The following ZNF169 variants were observed in gnomAD, a reference collection of about 807,000 sequenced individuals.
ZNF169 encodes zinc finger protein 169.
A neutral mutation model predicts 12.0 loss-of-function variants in ZNF169; 11 were observed. The observed-to-expected ratio is 0.92, with a 90% CI of 0.58 to 1.52. The LOEUF is 1.52. Ranked by LOEUF, ZNF169 falls within the 40% of genes most tolerant of loss-of-function variation. The probability of loss-of-function intolerance (pLI) is 0.00; values close to 1 mark genes in which losing one functional copy is unlikely to be tolerated. For synonymous variants in ZNF169, 302 were observed against 286.5 expected (o/e 1.05, Z -0.55); for missense variants, 722 against 744.0 (o/e 0.97, Z 0.34).
In ZNF169 at chr9:94,301,535, G is replaced by A; in HGVS notation, c.*165G>A. On this transcript the variant is annotated 3_prime_UTR_variant, in exon 5 of 5. Coordinates refer to ENST00000395395, the MANE Select transcript of ZNF169 (RefSeq NM_194320.4). ...TCACAATTTGTCTTGGCTTGCTAGGGGTTCCATAACAAAGTACCCCAGGCT... is the reference window on the plus strand; with the variant it reads ...TCACAATTTGTCTTGGCTTGCTAGGAGTTCCATAACAAAGTACCCCAGGCT... The A allele has an allele frequency of 1.5e-6, 2 of 1,322,490 alleles. No homozygotes were observed. The highest frequency in any genetic ancestry group is 2.0e-6 in the Non-Finnish European group (2 of 1,002,996). The allele number at this position is 1,322,490 out of a possible 1,614,324, so 81.9% of individuals were successfully genotyped here.
At chr9:94,273,575 C>CTTTTTTTTTTTTTTTTTTTTTTTTTTT in intron 1 of ZNF169, among the ~76,000 whole-genome samples, 1 of 109,964 alleles carries the variant, frequency 9.1e-6, no homozygotes. Flanking sequence ...AACTTTCTTT[C>CTTTTTTTTTTTTTTTTTTTTTTTTTTT]TTTCTTTTTT....
chr9:94,293,011 G>A lies in ZNF169; in HGVS notation c.198G>A (p.Leu66=). ...AFSKPKLIEQ[L]EQGDEPWREE... ...CCAAACCAAAACTCATCGAACAGCT[G>A]GAGCAAGGCGACGAACCTTGGAGAG... Residue 66 remains leucine, a synonymous_variant, in exon 4 of 5, where the codon CTG becomes CTA. Coordinates refer to ENST00000395395, the MANE Select transcript of ZNF169 (RefSeq NM_194320.4). 1 of 1,613,504 alleles carries A rather than the reference G, an allele frequency of 6.2e-7. No individual in the cohort carries two copies. The highest frequency in any genetic ancestry group is 8.5e-7 in the Non-Finnish European group (1 of 1,179,768).
intron 2 of ZNF169, among the ~76,000 whole-genome samples, chr9:94,279,405 A>G (rs1289893488): frequency 6.6e-6 from 1 of 151,192 alleles, no homozygotes; most frequent in African/African-American, 2.4e-5. Context: ...AAAAAAGTAT[A>G]AGAAGGCTCT....
At chr9:94,291,860 G>T (rs1830846215) in intron 2 of ZNF169, among the ~76,000 whole-genome samples, 2 of 152,320 alleles carry the variant, frequency 1.3e-5, no homozygotes, top group South Asian at 4.1e-4. Context: ...TGTGTTTATG[G>T]ATTTGAAGAT....
intron 2 of ZNF169, among the ~76,000 whole-genome samples, chr9:94,280,359 G>A (rs1830606237): frequency 6.6e-6 from 1 of 152,176 alleles, no homozygotes; most frequent in African/African-American, 2.4e-5. Flanking sequence ...TATGTTAACA[G>A]AGAAGCATTC....
intron 2 of ZNF169, among the ~76,000 whole-genome samples, chr9:94,286,175 C>A (rs1184430496): frequency 6.6e-6 from 1 of 152,142 alleles, no homozygotes; most frequent in Non-Finnish European, 1.5e-5. Flanking sequence ...TAATAGGTTT[C>A]TCTGATAGAC....
intron 1 of ZNF169, among the ~76,000 whole-genome samples, chr9:94,271,624 G>A (rs58759607): frequency 0.37 from 56,061 of 150,344 alleles, 10,818 homozygotes; most frequent in Middle Eastern, 0.44. Flanking sequence ...GGAGGCTGAG[G>A]TGGGAGAATC....
intron 2 of ZNF169, chr9:94,287,972 G>T (rs1470560450): frequency 1.2e-6 from 1 of 812,538 alleles, no homozygotes; most frequent in East Asian, 2.5e-5. Flanking sequence ...TCTAGTAAAT[G>T]GAGCTGCCAA....
chr9:94,272,138 A>ATG (rs2118569904), intron 1 of ZNF169, among the ~76,000 whole-genome samples: 1 of 152,052 alleles, frequency 6.6e-6, no homozygotes, highest in African/African-American at 2.4e-5. Flanking sequence ...TGTCCTTTTA[A>ATG]TGTATGTAGG....
intron 1 of ZNF169, 144 bp from the exon 2 acceptor site, chr9:94,278,614 C>A: frequency 2.0e-6 from 1 of 493,348 alleles, no homozygotes; most frequent in Non-Finnish European, 3.5e-6. Context: ...GAGACACTGG[C>A]TAAGAATGGG....
intron 2 of ZNF169, among the ~76,000 whole-genome samples, chr9:94,285,166 G>A (rs1348568474): frequency 6.6e-6 from 1 of 152,116 alleles, no homozygotes; most frequent in Non-Finnish European, 1.5e-5. Context: ...ATGATACTTG[G>A]AAAACTGGAT....
intron 1 of ZNF169, among the ~76,000 whole-genome samples, chr9:94,262,750 C>T (rs1346967857): frequency 3.3e-5 from 5 of 152,002 alleles, no homozygotes; most frequent in East Asian, 1.9e-4. Flanking sequence ...TGAGCCACCT[C>T]GCTTGGCTGA....
At position 94,300,401 on chromosome 9, in the gene ZNF169, G is replaced by C; in HGVS notation, c.843G>C (p.Gln281His). ...FSQKASLSIHQRKHSGEKPYV... is the reference protein window; with the variant it reads ...FSQKASLSIHHRKHSGEKPYV... ...AGAAGGCCTCCCTCTCCATACACCA[G>C]AGGAAGCACTCGGGGGAGAAGCCGT... The change falls in exon 5 of 5, where the codon CAG (glutamine) becomes CAC (histidine). Residue 281 changes from glutamine to histidine, a missense_variant. Transcript: ENST00000395395. 6.2e-7 allele frequency: 1 copy of C among 1,614,016 alleles called. No homozygotes were observed. Among genetic ancestry groups the C allele is most frequent in the Non-Finnish European group, 8.5e-7 (1 of 1,180,004 alleles).
intron 2 of ZNF169, among the ~76,000 whole-genome samples, chr9:94,283,459 C>T (rs1271721683): frequency 6.6e-6 from 1 of 152,088 alleles, no homozygotes; most frequent in Non-Finnish European, 1.5e-5. Context: ...TGTCCTTCCC[C>T]AAAAGCAACT....
intron 1 of ZNF169, among the ~76,000 whole-genome samples, chr9:94,260,768 C>G (rs1830188615): frequency 6.7e-6 from 1 of 150,374 alleles, no homozygotes; most frequent in Non-Finnish European, 1.5e-5. Context: ...CCTTGAATTC[C>G]TGGAGGTGGG....
intron 1 of ZNF169, 148 bp from the exon 2 acceptor site, chr9:94,278,610 C>A: frequency 2.1e-6 from 1 of 481,476 alleles, no homozygotes; most frequent in Non-Finnish European, 3.6e-6. Context: ...TTATGAGACA[C>A]TGGCTAAGAA....
rs1016210316 is a variant in ZNF169, at chr9:94,278,864, T to G, written c.33+19T>G. ...GAAGGAGGTAAGTCCTGAAATTTCT[T>G]CCTAGCTATTGCAGGAAGGTTTCAT... is the stretch of plus-strand genomic sequence containing the variant. On this transcript the variant is annotated intron_variant, in intron 2 of 4. Transcript: ENST00000395395. The G allele has an allele frequency of 1.2e-6, 2 of 1,613,334 alleles. No individual in the cohort carries two copies. Among genetic ancestry groups the G allele is most frequent in the African/African-American group, 1.3e-5 (1 of 74,912 alleles).
At position 94,301,577 on chromosome 9, in the gene ZNF169, G is replaced by T; in HGVS notation, c.*207G>T. 1.1e-6 allele frequency: 1 copy of T among 899,604 alleles called. No individual in the cohort carries two copies. The highest frequency in any genetic ancestry group is 1.6e-6 in the Non-Finnish European group (1 of 637,466). The allele number at this position is 899,604 out of a possible 1,614,324, so 55.7% of individuals were successfully genotyped here. On this transcript the variant is annotated 3_prime_UTR_variant, in exon 5 of 5. Transcript: ENST00000395395. ...CCCCAGGCTGGGTGATTTTGACAAC[G>T]GAAATATATTTTCATATTTATGGAG...
chr9:94,259,398 T>C (rs1830158032), intron 1 of ZNF169, 53 bp downstream of exon 1: 1 of 152,344 alleles, frequency 6.6e-6, no homozygotes, highest in Admixed American at 6.5e-5. Context: ...GTCCCCGCTT[T>C]CGCGGGCCTT....
Sources: gnomAD v4.1 joint callset for allele counts (sites outside exome capture counted in the v4.1 genomes callset) on GRCh38, gnomAD v4.1.1 for gene constraint, MANE v1.5 for transcripts, NCBI Gene and HGNC (gene_info 2026-07-23, HGNC 2026-07-21) for gene names.